ATAD2: variants seen among roughly 807,000 people sequenced by gnomAD.
The protein encoded by ATAD2 is ATPase family AAA domain containing 2.
In ATAD2, 62 loss-of-function variants were observed where a neutral mutation model predicts 168.9. The ratio of observed to expected loss-of-function variants is 0.37; its 90% confidence interval spans 0.30 to 0.45. The LOEUF is 0.45. ATAD2 is among the 20% of genes least tolerant of loss of function. The probability of loss-of-function intolerance (pLI) is 1.00; values close to 1 mark genes in which losing one functional copy is unlikely to be tolerated. For synonymous variants in ATAD2, 613 were observed against 571.6 expected, an observed-to-expected ratio of 1.07 and a Z score of -1.03; for missense variants, 1,419 against 1,667.8, an observed-to-expected ratio of 0.85 and a Z score of 2.60.
chr8:123,363,219 G>C (rs1464703402), intron 8 of ATAD2, among the ~76,000 whole-genome samples: 1 of 152,134 alleles, frequency 6.6e-6, no homozygotes, highest in Non-Finnish European at 1.5e-5. Context: ...AAAAAACTCG[G>C]AAGTTATTCC....
At chr8:123,414,710 A>G (rs1813214471) in intron 1 of ATAD2, among the ~76,000 whole-genome samples, 1 of 152,240 alleles carries the variant, frequency 6.6e-6, no homozygotes, top group African/African-American at 2.4e-5. Flanking sequence ...TATAGAAGGT[A>G]GGGTTAGGGA....
At chr8:123,327,112 T>C (rs1424815061) in intron 25 of ATAD2, among the ~76,000 whole-genome samples, 1 of 152,122 alleles carries the variant, frequency 6.6e-6, no homozygotes, top group East Asian at 1.9e-4. Context: ...TTTCACCATA[T>C]AGGCCAGGCT....
intron 13 of ATAD2, among the ~76,000 whole-genome samples, chr8:123,353,782 CA>C (rs1563846402): frequency 6.6e-6 from 1 of 151,548 alleles, no homozygotes; most frequent in South Asian, 2.1e-4. Context: ...CAAAACAAAA[CA>C]AAACAAAAAA....
intron 1 of ATAD2, among the ~76,000 whole-genome samples, chr8:123,395,774 C>G (rs1457535963): frequency 6.6e-6 from 1 of 152,090 alleles, no homozygotes; most frequent in African/African-American, 2.4e-5. Flanking sequence ...TCCCCCCCAA[C>G]GTTTATGGCG....
intron 13 of ATAD2, among the ~76,000 whole-genome samples, chr8:123,350,593 AC>A (rs1828418755): frequency 6.6e-6 from 1 of 152,134 alleles, no homozygotes; most frequent in Non-Finnish European, 1.5e-5. Context: ...TGTTGAAGAA[AC>A]TGGGTCGTTT....
At chr8:123,345,605 C>T (rs1325910011) in intron 18 of ATAD2, among the ~76,000 whole-genome samples, 1 of 152,098 alleles carries the variant, frequency 6.6e-6, no homozygotes, top group African/African-American at 2.4e-5. Flanking sequence ...TTGCTTGAAC[C>T]CGGAAGGCGG....
Position 123,320,778 on chromosome 8 carries a change from G to A in ATAD2, c.*356C>T, listed in dbSNP as rs775901172. 13 of 182,918 alleles carry A rather than the reference G, an allele frequency of 7.1e-5. No individual in the cohort carries two copies. Among genetic ancestry groups the A allele is most frequent in the Non-Finnish European group, 1.5e-4 (13 of 89,120 alleles). 11.3% of individuals were successfully genotyped at this position (182,918 alleles called of 1,614,324 possible). On this transcript the variant is annotated 3_prime_UTR_variant, in exon 28 of 28. Coordinates refer to ENST00000287394, the MANE Select transcript of ATAD2 (RefSeq NM_014109.4). ...GTCAGATACAATAAACTATTTTTAG[G>A]AAGGATAAAATTAAAAGTGCTTAAT...
intron 1 of ATAD2, among the ~76,000 whole-genome samples, chr8:123,412,558 G>A (rs771415194): frequency 6.8e-4 from 104 of 152,036 alleles, no homozygotes; most frequent in Admixed American, 2.9e-3. Context: ...TCAGCCTCCT[G>A]GGTGCCTAGG....
upstream of ATAD2, among the ~76,000 whole-genome samples, chr8:123,397,509 T>C (rs1266368050): frequency 6.6e-6 from 1 of 152,190 alleles, no homozygotes; most frequent in Non-Finnish European, 1.5e-5. Flanking sequence ...GGCAGTTACT[T>C]GACTACTTTG....
intron 1 of ATAD2, among the ~76,000 whole-genome samples, chr8:123,403,970 G>T (rs1813038751): frequency 6.6e-6 from 1 of 152,152 alleles, no homozygotes; most frequent in African/African-American, 2.4e-5. Context: ...GAGCTGAGCA[G>T]ACTAAAAAGG....
chr8:123,398,603 C>T (rs1812958335), upstream of ATAD2, among the ~76,000 whole-genome samples: 1 of 152,182 alleles, frequency 6.6e-6, no homozygotes, highest in Non-Finnish European at 1.5e-5. Flanking sequence ...CTTTGACCTC[C>T]AGGGCTCAAG....
rs768257791 is a variant in ATAD2, at chr8:123,349,324, G to T, written c.1767C>A (p.Arg589=). ...GGCTAAAGAGGAATTCTCTATCAAAGCGACCAGGCCTTCGTAAAGCAGGAT... is the reference window on the plus strand; with the variant it reads ...GGCTAAAGAGGAATTCTCTATCAAATCGACCAGGCCTTCGTAAAGCAGGAT... ...SIDPALRRPG[R]FDREFLFSLP... Residue 589 remains arginine (R), a synonymous_variant, in exon 14 of 28, where the codon CGC becomes CGA. Transcript: ENST00000287394. 3.2e-5 allele frequency: 51 copies of T among 1,613,720 alleles called. 2 individuals are homozygous for T. The South Asian group carries it at 4.8e-4, about 15-fold the overall frequency.
At chr8:123,348,472 T>A (rs553915445) in intron 14 of ATAD2, among the ~76,000 whole-genome samples, 199 bp from the exon 15 acceptor site, 2 of 152,166 alleles carry the variant, frequency 1.3e-5, no homozygotes, top group South Asian at 4.1e-4. Flanking sequence ...AGGTTGGAAG[T>A]TCAAGACCAG....
At chr8:123,397,307 G>A (rs2130001779), upstream of ATAD2, among the ~76,000 whole-genome samples, 1 of 149,040 alleles carries the variant, frequency 6.7e-6, no homozygotes, top group Admixed American at 6.7e-5. Context: ...AGTTAAATGT[G>A]AAGTTCAGAT....
At position 123,339,428 on chromosome 8, in the gene ATAD2, G is replaced by A. The variant is rs1455653419; in HGVS notation, c.2737C>T (p.Arg913Cys). The A allele has an allele frequency of 7.5e-6, 12 of 1,590,278 alleles. No homozygotes were observed. The highest frequency in any genetic ancestry group is 2.3e-5 in the South Asian group (2 of 87,192). The change falls in exon 20 of 28, where the codon CGT becomes TGT. Residue 913 changes from arginine (R) to cysteine (C), a missense_variant. By Grantham distance (180) the Arg-to-Cys change is radical. Transcript: ENST00000287394. Reference protein sequence around the residue: ...LPEEVQELFIRDYGEIFNVQL... With the variant: ...LPEEVQELFICDYGEIFNVQL... The stretch of plus-strand genomic sequence containing the variant: ...ACATTAAAAATCTCTCCATAATCAC[G>A]GATAAACAATTCTTGCACCTTAAAA...
At chr8:123,321,422 T>C (rs971765282) in intron 27 of ATAD2, among the ~76,000 whole-genome samples, 1 of 151,176 alleles carries the variant, frequency 6.6e-6, no homozygotes, top group African/African-American at 2.4e-5. Flanking sequence ...CAAATAGTAT[T>C]AATCAAGGTA....
chr8:123,332,070 T>C (rs1827788854), intron 24 of ATAD2, among the ~76,000 whole-genome samples: 1 of 152,228 alleles, frequency 6.6e-6, no homozygotes, highest in South Asian at 2.1e-4. Flanking sequence ...CTTTTTAAAA[T>C]AGACTTGTGT....
intron 24 of ATAD2, among the ~76,000 whole-genome samples, chr8:123,329,996 T>TTC (rs1827732912): frequency 6.7e-6 from 1 of 148,544 alleles, no homozygotes; most frequent in African/African-American, 2.5e-5. Flanking sequence ...TTTTTTTTTT[T>TTC]TTTTTTTTTG....
chr8:123,354,577 C>T (rs1301913595), intron 13 of ATAD2, among the ~76,000 whole-genome samples: 2 of 151,758 alleles, frequency 1.3e-5, no homozygotes, highest in Non-Finnish European at 2.9e-5. Context: ...TGCGGTGGCT[C>T]ACATCTGTAA....
Sources: allele counts gnomAD v4.1 joint callset (sites outside exome capture counted in the v4.1 genomes callset), GRCh38; gene constraint gnomAD v4.1.1; transcripts MANE v1.5; gene names NCBI Gene and HGNC (gene_info 2026-07-23, HGNC 2026-07-21).